ZBTB40: variants seen among roughly 807,000 people sequenced by gnomAD.
ZBTB40 encodes zinc finger and BTB domain containing 40.
ZBTB40 carries 60 observed loss-of-function variants against 117.5 expected under a neutral mutation model. The observed-to-expected ratio is 0.51, with a 90% CI of 0.41 to 0.63. The LOEUF is 0.63. Ranked by LOEUF, ZBTB40 falls within the 30% of genes least tolerant of loss-of-function variation. The pLI is 0.00. For synonymous variants in ZBTB40, 525 were observed against 577.1 expected (o/e 0.91, Z 1.29); for missense variants, 1,287 against 1,498.5 (o/e 0.86, Z 2.33).
At chr1:22,443,073 G>A (rs1020466951) in intron 1 of ZBTB40, among the ~76,000 whole-genome samples, 1 of 152,072 alleles carries the variant, frequency 6.6e-6, no homozygotes, top group African/African-American at 2.4e-5. Context: ...AGGGGAAGAA[G>A]AAAAAATAAT....
rs1290405084 is a variant in ZBTB40, at chr1:22,527,012, A to G, written c.*616A>G. On this transcript the variant is annotated 3_prime_UTR_variant, in exon 18 of 18. Coordinates refer to ENST00000375647, the MANE Select transcript of ZBTB40 (RefSeq NM_014870.4). ...GATGGCTATAGGACAGGTAGCCCTC[A>G]TTTCCATGCCTGATAACCCCTTGTC... 6.2e-6 allele frequency: 1 copy of G among 161,132 alleles called. No homozygotes were observed. Among genetic ancestry groups the G allele is most frequent in the Non-Finnish European group, 1.4e-5 (1 of 72,780 alleles). 10.0% of individuals were successfully genotyped at this position (161,132 alleles called of 1,614,324 possible).
intron 1 of ZBTB40, among the ~76,000 whole-genome samples, chr1:22,470,363 A>G (rs1641370096): frequency 6.6e-6 from 1 of 152,236 alleles, no homozygotes; most frequent in Non-Finnish European, 1.5e-5. Context: ...GAGAGTAGTA[A>G]CAAGTGAATG....
At chr1:22,452,799 ACT>A (rs1640912789) in intron 1 of ZBTB40, 1 of 152,214 alleles carries the variant, frequency 6.6e-6, no homozygotes, top group African/African-American at 2.4e-5. Context: ...TTGACAGAAC[ACT>A]CTGGCTTCCC....
chr1:22,516,763 C>T (rs1402382555), intron 12 of ZBTB40, among the ~76,000 whole-genome samples: 1 of 152,168 alleles, frequency 6.6e-6, no homozygotes, highest in South Asian at 2.1e-4. Context: ...TCTTTATCCA[C>T]ATTTTCTAAT....
intron 11 of ZBTB40, among the ~76,000 whole-genome samples, chr1:22,512,416 T>C (rs1639265185): frequency 6.6e-6 from 1 of 152,228 alleles, no homozygotes; most frequent in African/African-American, 2.4e-5. Flanking sequence ...GTGCACTGCC[T>C]GTAACAGAGT....
rs1639761407 is a variant in ZBTB40, at chr1:22,529,085, C to T, written c.*2689C>T. 6.6e-6 allele frequency: 1 copy of T among 152,298 alleles called. No individual in the cohort carries two copies. The highest frequency in any genetic ancestry group is 1.5e-5 in the Non-Finnish European group (1 of 68,050). 9.4% of individuals were successfully genotyped at this position (152,298 alleles called of 1,614,324 possible). A position where few individuals can be genotyped will look rare whatever the true frequency, so the allele number is the denominator to read the frequency against. On this transcript the variant is annotated 3_prime_UTR_variant, in exon 18 of 18. Transcript: ENST00000375647. ...GGCTGACTGATTTTATAGTCTTGCT[C>T]TCTAGAGAAGCCCAGGCATGGATCT...
At chr1:22,433,781 T>A (rs1433381183) in intron 1 of ZBTB40, among the ~76,000 whole-genome samples, 1 of 151,700 alleles carries the variant, frequency 6.6e-6, no homozygotes, top group Non-Finnish European at 1.5e-5. Context: ...GGTGACAGAG[T>A]GAGACTCTGT....
intron 3 of ZBTB40, among the ~76,000 whole-genome samples, chr1:22,495,296 GC>G (rs983283941): frequency 1.3e-5 from 2 of 152,194 alleles, no homozygotes; most frequent in Non-Finnish European, 2.9e-5. Context: ...AGAAATCAAA[GC>G]CAAAACTTAT....
chr1:22,451,844 C>G (rs1640877924), upstream of ZBTB40: 1 of 152,294 alleles, frequency 6.6e-6, no homozygotes, highest in Admixed American at 6.5e-5. Flanking sequence ...GCCGCCCCCT[C>G]CCCTCTGATA....
intron 3 of ZBTB40, among the ~76,000 whole-genome samples, chr1:22,497,269 A>AT (rs912537985): frequency 4.6e-5 from 7 of 152,034 alleles, no homozygotes; most frequent in Non-Finnish European, 7.4e-5. Flanking sequence ...ACCTAGTAGC[A>AT]TTTTTTTCTC....
At chr1:22,468,636 T>G (rs1249348990) in intron 1 of ZBTB40, among the ~76,000 whole-genome samples, 2 of 130,992 alleles carry the variant, frequency 1.5e-5, no homozygotes, top group African/African-American at 2.9e-5. Context: ...CCACCATGCC[T>G]GGCTGGCTTT....
chr1:22,462,908 A>G (rs576165497), intron 1 of ZBTB40, among the ~76,000 whole-genome samples: 9 of 152,350 alleles, frequency 5.9e-5, no homozygotes, highest in African/African-American at 2.2e-4. Context: ...TACATATGTA[A>G]CTTGAAAGTG....
At chr1:22,460,009 A>G (rs1641093464) in intron 1 of ZBTB40, among the ~76,000 whole-genome samples, 1 of 152,214 alleles carries the variant, frequency 6.6e-6, no homozygotes, top group Non-Finnish European at 1.5e-5. Flanking sequence ...GAGAAGTTCT[A>G]CACACCCACA....
chr1:22,504,015 G>A (rs907336223), intron 5 of ZBTB40, among the ~76,000 whole-genome samples: 1 of 152,184 alleles, frequency 6.6e-6, no homozygotes, highest in African/African-American at 2.4e-5. Flanking sequence ...CAGTTTACTT[G>A]ACAGAGAAAG....
intron 3 of ZBTB40, among the ~76,000 whole-genome samples, chr1:22,498,026 T>G (rs976871589): frequency 1.6e-4 from 24 of 152,262 alleles, no homozygotes; most frequent in African/African-American, 5.3e-4. Context: ...TTGGGGTAAA[T>G]AAGTCAACTC....
At chr1:22,520,382 A>G (rs140968621) in intron 14 of ZBTB40, 107 bp downstream of exon 14, 3 of 884,402 alleles carry the variant, frequency 3.4e-6, no homozygotes, top group Middle Eastern at 3.2e-4. Context: ...TCTTGTATCC[A>G]GGATGTGACA....
At chr1:22,445,297 T>G (rs1331799630) in intron 1 of ZBTB40, among the ~76,000 whole-genome samples, 1 of 152,160 alleles carries the variant, frequency 6.6e-6, no homozygotes, top group African/African-American at 2.4e-5. Flanking sequence ...TGGCTTTCCA[T>G]GTGGAAGAGG....
At chr1:22,433,463 C>CAAAAAAAAAAAAAAAAAAAAAA (rs1640628463) in intron 1 of ZBTB40, among the ~76,000 whole-genome samples, 1 of 56,614 alleles carries the variant, frequency 1.8e-5, no homozygotes, top group Non-Finnish European at 4.2e-5. Context: ...AAAAAGACAG[C>CAAAAAAAAAAAAAAAAAAAAAA]TAAAAATATG....
chr1:22,523,350 G>A (rs1199056830), intron 16 of ZBTB40, among the ~76,000 whole-genome samples: 1 of 152,144 alleles, frequency 6.6e-6, no homozygotes, highest in East Asian at 1.9e-4. Flanking sequence ...TCTAAGTGCT[G>A]TTTTGGACTA....
Sources: allele counts gnomAD v4.1 joint callset (sites outside exome capture counted in the v4.1 genomes callset), GRCh38; gene constraint gnomAD v4.1.1; transcripts MANE v1.5; gene names NCBI Gene and HGNC (gene_info 2026-07-23, HGNC 2026-07-21).